SAMD12: variants seen among roughly 807,000 people sequenced by gnomAD.
The protein encoded by SAMD12 is sterile alpha motif domain containing 12, also known as sterile alpha motif domain-containing protein 12.
In SAMD12, 9 loss-of-function variants were observed where a neutral mutation model predicts 15.0. The observed-to-expected ratio is 0.60, with a 90% confidence interval of 0.36 to 1.05. The LOEUF (loss-of-function observed/expected upper bound fraction) is 1.05, where lower values mean the gene tolerates loss of function less well. Ranked by LOEUF, SAMD12 falls within the 50% of genes least tolerant of loss-of-function variation. The probability of loss-of-function intolerance (pLI) is 0.01; values close to 1 mark genes in which losing one functional copy is unlikely to be tolerated. For missense variants in SAMD12, 230 were observed against 234.2 expected (o/e 0.98, Z 0.12); for synonymous variants, 86 against 90.1 (o/e 0.96, Z 0.25).
At chr8:118,357,984 A>G (rs1818314041) in intron 4 of SAMD12, among the ~76,000 whole-genome samples, 1 of 152,020 alleles carries the variant, frequency 6.6e-6, no homozygotes, top group Admixed American at 6.5e-5. Flanking sequence ...TCTCTACAAA[A>G]AATAAAAAAA....
intron 4 of SAMD12, among the ~76,000 whole-genome samples, chr8:118,318,342 A>G (rs1816047127): frequency 7.1e-6 from 1 of 141,046 alleles, no homozygotes; most frequent in African/African-American, 2.6e-5. Flanking sequence ...ATATATATAT[A>G]TATATATATA....
At chr8:118,417,313 G>A (rs1821748797) in intron 3 of SAMD12, among the ~76,000 whole-genome samples, 1 of 152,144 alleles carries the variant, frequency 6.6e-6, no homozygotes, top group South Asian at 2.1e-4. Context: ...TGAACTCCCA[G>A]TCTCAGGTGA....
Position 118,379,525 on chromosome 8 carries a change from C to G in SAMD12, c.498G>C (p.Gly166=). ...GTAAGGTGGTCTTTCTTCTAATCTC[C>G]CCATCCATCCACCCATCAGGAAGCA... The part of the protein sequence containing the change: ...TLLLPDGWMD[G]EIRRKTTLLL... Residue 166 remains glycine (G), a synonymous_variant, in exon 4 of 4, where the codon GGG becomes GGC. Coordinates refer to ENST00000314727, the MANE Select transcript of SAMD12 (RefSeq NM_207506.3). 1.9e-6 allele frequency: 3 copies of G among 1,613,778 alleles called. No individual in the cohort carries two copies. The Middle Eastern group carries it at 5.0e-4, about 266-fold the overall frequency.
chr8:118,223,836 T>C (rs1812131752), intron 4 of SAMD12, among the ~76,000 whole-genome samples: 1 of 152,212 alleles, frequency 6.6e-6, no homozygotes, highest in Non-Finnish European at 1.5e-5. Context: ...TAGGAGATCT[T>C]GTTTTTCTTG....
intron 3 of SAMD12, among the ~76,000 whole-genome samples, chr8:118,401,166 T>C (rs1820850191): frequency 6.6e-6 from 1 of 152,212 alleles, no homozygotes; most frequent in Non-Finnish European, 1.5e-5. Flanking sequence ...AGCATCCAGA[T>C]CATTTCTGTA....
intron 4 of SAMD12, among the ~76,000 whole-genome samples, chr8:118,372,289 T>C (rs1819144301): frequency 1.3e-5 from 2 of 152,146 alleles, no homozygotes; most frequent in South Asian, 2.1e-4. Flanking sequence ...GGTCAATAGA[T>C]ACTGAGAAAA....
intron 4 of SAMD12, among the ~76,000 whole-genome samples, chr8:118,331,942 G>A (rs1294234110): frequency 6.6e-6 from 1 of 152,142 alleles, no homozygotes; most frequent in Non-Finnish European, 1.5e-5. Flanking sequence ...TTAGAACATA[G>A]ATTTTAAACA....
chr8:118,163,250 TTA>T, the SAMD12 span, among the ~76,000 whole-genome samples: 8 of 152,020 alleles, frequency 5.3e-5, no homozygotes, highest in African/African-American at 1.9e-4. Context: ...TGGCTAACTT[TTA>T]TATGTTTTGT....
At chr8:118,351,473 G>A (rs1817962430) in intron 4 of SAMD12, among the ~76,000 whole-genome samples, 2 of 152,086 alleles carry the variant, frequency 1.3e-5, no homozygotes, top group Admixed American at 1.3e-4. Flanking sequence ...GTAGGGAGTG[G>A]CAGAACTTCC....
intron 2 of SAMD12, among the ~76,000 whole-genome samples, chr8:118,473,370 G>C (rs1430421830): frequency 6.6e-6 from 1 of 152,154 alleles, no homozygotes; most frequent in East Asian, 1.9e-4. Context: ...CTTAGTAATA[G>C]AGAATCTAAA....
chr8:118,433,896 A>C (rs1327021120), intron 3 of SAMD12, among the ~76,000 whole-genome samples: 3 of 152,234 alleles, frequency 2.0e-5, no homozygotes, highest in African/African-American at 7.2e-5. Context: ...GATTCTACTA[A>C]GTAGTATTCT....
At chr8:118,134,582 A>T in the SAMD12 span, among the ~76,000 whole-genome samples, 1 of 152,188 alleles carries the variant, frequency 6.6e-6, no homozygotes, top group Non-Finnish European at 1.5e-5. Flanking sequence ...CTGAACCAGA[A>T]ACTCTGGAGC....
intron 2 of SAMD12, among the ~76,000 whole-genome samples, chr8:118,527,872 T>C (rs564854863): frequency 5.8e-4 from 88 of 152,340 alleles, no homozygotes; most frequent in African/African-American, 2.0e-3. Flanking sequence ...AAATGAATTA[T>C]ATTGATAATT....
chr8:118,284,158 T>C, intron 4 of SAMD12: 1 of 399,290 alleles, frequency 2.5e-6, no homozygotes, highest in South Asian at 1.9e-5. Context: ...TCCATTATGA[T>C]AACCCCGATG....
At chr8:118,415,144 C>A (rs1821616740) in intron 3 of SAMD12, among the ~76,000 whole-genome samples, 1 of 152,146 alleles carries the variant, frequency 6.6e-6, no homozygotes, top group African/African-American at 2.4e-5. Flanking sequence ...AAAGCTCCCC[C>A]TAGAGGAGTT....
chr8:118,615,622 G>A (rs925259056), intron 1 of SAMD12, among the ~76,000 whole-genome samples: 8 of 152,140 alleles, frequency 5.3e-5, no homozygotes, highest in Non-Finnish European at 1.0e-4. Flanking sequence ...GTTCAAGCAT[G>A]GGCTTCAGAT....
At chr8:118,292,349 G>GACACACAGACACACACACACACACAC in intron 4 of SAMD12, among the ~76,000 whole-genome samples, 1 of 137,624 alleles carries the variant, frequency 7.3e-6, no homozygotes, top group Admixed American at 7.3e-5. Context: ...CAAACACACA[G>GACACACAGACACACACACACACACAC]ACACACACAC....
chr8:118,545,169 T>C (rs966033719), intron 2 of SAMD12, among the ~76,000 whole-genome samples: 2 of 152,108 alleles, frequency 1.3e-5, no homozygotes, highest in Admixed American at 6.5e-5. Context: ...ACATATATTT[T>C]AAAACAAGAA....
At chr8:118,339,228 C>G (rs990175151) in intron 4 of SAMD12, among the ~76,000 whole-genome samples, 44 of 152,186 alleles carry the variant, frequency 2.9e-4, no homozygotes, top group African/African-American at 1.0e-3. Context: ...ACTTGGGAGT[C>G]TGAGGCAGTA....
Sources: gnomAD v4.1 joint callset for allele counts (sites outside exome capture counted in the v4.1 genomes callset) on GRCh38, gnomAD v4.1.1 for gene constraint, MANE v1.5 for transcripts, NCBI Gene and HGNC (gene_info 2026-07-23, HGNC 2026-07-21) for gene names.